The following DAB1 variants were observed in gnomAD, a reference collection of about 807,000 sequenced individuals.
DAB1 encodes the protein DAB adaptor protein 1.
Under a neutral mutation model 64.6 loss-of-function variants are expected in DAB1, and 15 were observed. That is an observed-to-expected ratio of 0.23 (90% CI 0.16 to 0.36). DAB1 has a LOEUF of 0.36. Ranked by LOEUF, DAB1 falls within the 10% of genes least tolerant of loss-of-function variation. DAB1 has a pLI of 1.00. For synonymous variants in DAB1, 235 were observed against 251.9 expected (o/e 0.93, Z 0.64); for missense variants, 596 against 706.7 (o/e 0.84, Z 1.78).
intron 4 of DAB1, among the ~76,000 whole-genome samples, chr1:57,121,317 C>A (rs973582678): frequency 6.6e-6 from 1 of 151,908 alleles, no homozygotes; most frequent in African/African-American, 2.4e-5. Context: ...ACCAGGACCC[C>A]TCACTCCCTC....
At chr1:57,611,248 A>C (rs1036834656) in intron 7 of DAB1, among the ~76,000 whole-genome samples, 2 of 150,418 alleles carry the variant, frequency 1.3e-5, no homozygotes, top group African/African-American at 4.9e-5. Flanking sequence ...GGTGAGAGCC[A>C]CTGCCCTGCT....
At chr1:57,938,014 C>T (rs1382767157) in intron 5 of DAB1, among the ~76,000 whole-genome samples, 2 of 152,234 alleles carry the variant, frequency 1.3e-5, no homozygotes, top group Non-Finnish European at 2.9e-5. Context: ...GGCCAGCTGA[C>T]TGTGCCATGT....
At chr1:57,483,163 C>T (rs919834724) in intron 7 of DAB1, among the ~76,000 whole-genome samples, 3 of 152,046 alleles carry the variant, frequency 2.0e-5, no homozygotes, top group African/African-American at 7.2e-5. Flanking sequence ...ATCATTATTT[C>T]CTCAATTGAT....
At chr1:58,356,935 G>A (rs1163011838) in intron 3 of DAB1, among the ~76,000 whole-genome samples, 4 of 150,720 alleles carry the variant, frequency 2.7e-5, no homozygotes, top group African/African-American at 7.3e-5. Context: ...TGAGGTGGGA[G>A]GATTGCTTTG....
At chr1:57,358,552 A>G (rs1679301732) in intron 1 of DAB1, among the ~76,000 whole-genome samples, 1 of 152,066 alleles carries the variant, frequency 6.6e-6, no homozygotes, top group Non-Finnish European at 1.5e-5. Flanking sequence ...TAAAATGACC[A>G]TACTATCCAA....
At chr1:57,762,530 AC>A (rs1649133318) in intron 6 of DAB1, among the ~76,000 whole-genome samples, 1 of 152,204 alleles carries the variant, frequency 6.6e-6, no homozygotes, top group African/African-American at 2.4e-5. Flanking sequence ...ATTTATCTTT[AC>A]CATAATTCTA....
chr1:58,367,921 T>A (rs1352815385), intron 3 of DAB1, among the ~76,000 whole-genome samples: 3 of 152,168 alleles, frequency 2.0e-5, no homozygotes, highest in Non-Finnish European at 4.4e-5. Context: ...GATGACTCCT[T>A]TCAGTGTTGG....
rs913192713 is a variant in DAB1, at chr1:58,173,823, A to T, written n.310-23235T>A. On this transcript the variant is annotated intron_variant and non_coding_transcript_variant, in intron 4 of 20. Coordinates refer to the DAB1 transcript ENST00000485760. ...AGTCTTTCTAAGTCCCAACATTAAC[A>T]TTGCCCCAGGAAATCAGACCCTATC... Among the ~76,000 whole-genome samples, 9 of 152,120 alleles carry T rather than the reference A, an allele frequency of 5.9e-5. No homozygotes were observed. In the South Asian group the frequency reaches 8.3e-4, roughly 14 times the overall value.
At chr1:57,236,489 G>A (rs886243377) in intron 2 of DAB1, among the ~76,000 whole-genome samples, 2 of 152,070 alleles carry the variant, frequency 1.3e-5, no homozygotes, top group Non-Finnish European at 2.9e-5. Context: ...AGGAGGGAGG[G>A]GGTTACATTC....
At chr1:57,072,876 C>G (rs1243281421) in intron 4 of DAB1, among the ~76,000 whole-genome samples, 1 of 152,212 alleles carries the variant, frequency 6.6e-6, no homozygotes, top group Non-Finnish European at 1.5e-5. Flanking sequence ...ATGGTGACAA[C>G]ACTTTTCCAG....
chr1:57,801,859 TG>T (rs372811642), intron 6 of DAB1, among the ~76,000 whole-genome samples: 296 of 152,278 alleles, frequency 1.9e-3, no homozygotes, highest in African/African-American at 6.7e-3. Context: ...AGTTTCACCA[TG>T]TTGCCCAGAC....
Position 58,288,019 on chromosome 1 carries a change from C to CAAAA in DAB1, n.309+55329_309+55332dup, listed in dbSNP as rs763850453. 2.1e-3 allele frequency among the ~76,000 whole-genome samples: 46 copies of CAAAA among 21,958 alleles called. 2 individuals carry two copies. The highest frequency in any genetic ancestry group is 3.5e-3 in the African/African-American group (34 of 9,632). The allele number at this position is 21,958 out of a possible 152,430, so 14.4% of individuals were successfully genotyped here. A position where few individuals can be genotyped will look rare whatever the true frequency, so the allele number is the denominator to read the frequency against. On this transcript the variant is annotated intron_variant and non_coding_transcript_variant, in intron 4 of 20. Transcript: ENST00000485760. ...CCTGGGTGACAGAGCAAGACTGCCT[C>CAAAA]AAAAAAAAAAAAAAAAAAAAAAAAA...
chr1:57,742,751 A>G (rs1210186733), intron 6 of DAB1, among the ~76,000 whole-genome samples: 1 of 152,176 alleles, frequency 6.6e-6, no homozygotes, highest in Non-Finnish European at 1.5e-5. Flanking sequence ...TTGGGAGGGC[A>G]GGAATGATGA....
At chr1:57,776,247 T>C (rs887602461) in intron 6 of DAB1, among the ~76,000 whole-genome samples, 3 of 151,524 alleles carry the variant, frequency 2.0e-5, no homozygotes, top group African/African-American at 4.8e-5. Flanking sequence ...GATTTTCAGA[T>C]TGGGGATGTG....
chr1:57,814,269 A>G (rs1412131752), intron 6 of DAB1, among the ~76,000 whole-genome samples: 1 of 152,164 alleles, frequency 6.6e-6, no homozygotes, highest in East Asian at 1.9e-4. Flanking sequence ...CTAAGTACAG[A>G]TATAGTCTAT....
Position 57,928,315 on chromosome 1 carries a change from T to G in DAB1, n.388-44153A>C, listed in dbSNP as rs547293399. Among the ~76,000 whole-genome samples the G allele has an allele frequency of 2.0e-5, 3 of 152,052 alleles. No homozygotes were observed. In the South Asian group the frequency reaches 6.2e-4, roughly 32 times the overall value. On this transcript the variant is annotated intron_variant and non_coding_transcript_variant, in intron 5 of 20. Transcript: ENST00000485760. ...CTTTATTTTTTAGAGCAGTTTTGGGTTCACAATAAAATTCAGAGGAAGGTA... is the reference window on the plus strand; with the variant it reads ...CTTTATTTTTTAGAGCAGTTTTGGGGTCACAATAAAATTCAGAGGAAGGTA...
At chr1:57,441,298 CTTTCTTTCTTTCT>C (rs1558383873) in intron 7 of DAB1, among the ~76,000 whole-genome samples, 1 of 61,754 alleles carries the variant, frequency 1.6e-5, no homozygotes, top group South Asian at 7.3e-4. Flanking sequence ...TTCTTTCTTT[CTTTCTTTCTTTCT>C]TTCTTTCTTC....
chr1:57,148,277 G>A (rs1031476884), intron 2 of DAB1, among the ~76,000 whole-genome samples: 5 of 152,186 alleles, frequency 3.3e-5, no homozygotes, highest in African/African-American at 4.8e-5. Flanking sequence ...CAAGGGCAGA[G>A]ATTAATAAGA....
intron 2 of DAB1, among the ~76,000 whole-genome samples, chr1:57,158,103 T>C (rs1660410186): frequency 6.6e-6 from 1 of 152,220 alleles, no homozygotes. Context: ...TGTGGTTACC[T>C]GTATTCCTCT....
Sources: allele counts gnomAD v4.1 joint callset (sites outside exome capture counted in the v4.1 genomes callset), GRCh38; gene constraint gnomAD v4.1.1; transcripts MANE v1.5; gene names NCBI Gene and HGNC (gene_info 2026-07-23, HGNC 2026-07-21).